Variants in RPRD2 observed in about 807,000 individuals in gnomAD.
RPRD2 encodes regulation of nuclear pre-mRNA domain containing 2.
Under a neutral mutation model 104.4 loss-of-function variants are expected in RPRD2, and 12 were observed. That is an observed-to-expected ratio of 0.11 (90% confidence interval 0.07 to 0.19). The LOEUF (loss-of-function observed/expected upper bound fraction) is 0.19. RPRD2 is among the 10% of genes least tolerant of loss of function. RPRD2 has a pLI of 1.00. For synonymous variants in RPRD2, 714 were observed against 684.9 expected, an observed-to-expected ratio of 1.04 and a Z score of -0.66; for missense variants, 1,543 against 1,790.1, an observed-to-expected ratio of 0.86 and a Z score of 2.49.
chr1:150,410,914 G>C (rs1333359111), intron 1 of RPRD2, among the ~76,000 whole-genome samples: 5 of 152,214 alleles, frequency 3.3e-5, no homozygotes, highest in African/African-American at 1.2e-4. Context: ...ACAGACTAGA[G>C]TACAGTGGGG....
At position 150,468,123 on chromosome 1, in the gene RPRD2, G is replaced by A. The variant is rs1013015767; in HGVS notation, c.1613-2438G>A. On this transcript the variant is annotated intron_variant, in intron 10 of 10. Transcript: ENST00000369068. ...GTTGCAGTGAGCCAGCCTGGGCGAC[G>A]AGCAAAACTCTGTCTCAAAAAAAGA... Among the ~76,000 whole-genome samples, 5 of 152,018 alleles carry A rather than the reference G, an allele frequency of 3.3e-5. No homozygotes were observed. The South Asian group carries it at 8.3e-4, about 25-fold the overall frequency.
chr1:150,389,251 T>C (rs1240373469), intron 1 of RPRD2, among the ~76,000 whole-genome samples: 9 of 152,078 alleles, frequency 5.9e-5, no homozygotes, highest in African/African-American at 2.2e-4. Flanking sequence ...GGTTTCACCA[T>C]GTTGCCCAGG....
chr1:150,454,130 C>T (rs903163428), intron 7 of RPRD2, among the ~76,000 whole-genome samples: 18 of 152,162 alleles, frequency 1.2e-4, no homozygotes, highest in Admixed American at 1.2e-3. Flanking sequence ...CAGAATTCAG[C>T]AAATATCTTG....
intron 1 of RPRD2, among the ~76,000 whole-genome samples, chr1:150,379,049 C>G (rs1160371168): frequency 6.7e-6 from 1 of 148,690 alleles, no homozygotes; most frequent in Non-Finnish European, 1.5e-5. Context: ...TTGGGAGGCC[C>G]GAGCAGACAG....
Position 150,371,500 on chromosome 1 carries a change from A to AGCT in RPRD2, c.205+6583_205+6585dup, listed in dbSNP as rs1660295858. 5.3e-5 allele frequency among the ~76,000 whole-genome samples: 8 copies of AGCT among 152,258 alleles called. No individual in the cohort carries two copies. In the South Asian group the frequency reaches 1.7e-3, roughly 32 times the overall value. ...TGCCTCAGCCTCCTGAGTAGCTGGT[A>AGCT]GCTGGGACTACAGGCACCCACCACC... On this transcript the variant is annotated intron_variant, in intron 1 of 10. Coordinates refer to ENST00000369068, the MANE Select transcript of RPRD2 (RefSeq NM_015203.5).
chr1:150,368,133 CCTT>C (rs1205285221), intron 1 of RPRD2, among the ~76,000 whole-genome samples: 2 of 151,348 alleles, frequency 1.3e-5, no homozygotes, highest in Non-Finnish European at 2.9e-5. Context: ...CATCCTGCCT[CCTT>C]CTCATTGTTT....
At chr1:150,371,456 C>G (rs370999145) in intron 1 of RPRD2, among the ~76,000 whole-genome samples, 1 of 152,170 alleles carries the variant, frequency 6.6e-6, no homozygotes, top group Non-Finnish European at 1.5e-5. Flanking sequence ...CTCCGCCTCC[C>G]GTGTTCACTC....
chr1:150,400,127 T>A (rs1553885034), intron 1 of RPRD2, among the ~76,000 whole-genome samples: 4 of 152,228 alleles, frequency 2.6e-5, no homozygotes, highest in African/African-American at 9.6e-5. Context: ...AATCTAAGTC[T>A]TTCATGCTCT....
chr1:150,391,287 A>C (rs1438200904), intron 1 of RPRD2, among the ~76,000 whole-genome samples: 1 of 152,128 alleles, frequency 6.6e-6, no homozygotes, highest in Non-Finnish European at 1.5e-5. Flanking sequence ...AAACCAACAG[A>C]TCTTCACCTA....
intron 1 of RPRD2, among the ~76,000 whole-genome samples, chr1:150,366,020 T>A (rs1659820678): frequency 6.6e-6 from 1 of 152,226 alleles, no homozygotes; most frequent in Non-Finnish European, 1.5e-5. Context: ...TTTGTCTTTA[T>A]CCTGGAGATT....
intron 1 of RPRD2, among the ~76,000 whole-genome samples, chr1:150,416,112 C>T (rs116269052): frequency 2.0e-4 from 30 of 152,196 alleles, no homozygotes; most frequent in African/African-American, 7.2e-4. Flanking sequence ...TAGAACCCAG[C>T]AGCAGAAATA....
intron 7 of RPRD2, among the ~76,000 whole-genome samples, chr1:150,449,180 G>T (rs1377628405): frequency 6.6e-6 from 1 of 152,140 alleles, no homozygotes; most frequent in African/African-American, 2.4e-5. Flanking sequence ...ACCCCGAATT[G>T]GCTAATGGAT....
At chr1:150,399,396 A>T (rs185047339) in intron 1 of RPRD2, among the ~76,000 whole-genome samples, 3 of 152,310 alleles carry the variant, frequency 2.0e-5, no homozygotes, top group African/African-American at 7.2e-5. Context: ...CAATTGTTCG[A>T]GCACCATTTA....
chr1:150,452,156 AAAAG>A (rs782312077), intron 7 of RPRD2, among the ~76,000 whole-genome samples: 19 of 148,206 alleles, frequency 1.3e-4, no homozygotes, highest in Non-Finnish European at 1.8e-4. Context: ...AAAAAAAAAA[AAAAG>A]AGAGAGAGAG....
intron 10 of RPRD2, among the ~76,000 whole-genome samples, chr1:150,469,346 G>T (rs1163715010): frequency 5.9e-5 from 9 of 151,840 alleles, no homozygotes; most frequent in Non-Finnish European, 2.9e-5. Context: ...CAGAGTCATA[G>T]TTAGTTTACT....
At position 150,378,080 on chromosome 1, in the gene RPRD2, T is replaced by A. The variant is rs1212324843; in HGVS notation, c.205+13161T>A. Among the ~76,000 whole-genome samples, 6 of 152,140 alleles carry A rather than the reference T, an allele frequency of 3.9e-5. 1 individual carries two copies. The highest frequency in any genetic ancestry group is 1.2e-4 in the African/African-American group (5 of 41,438). On this transcript the variant is annotated intron_variant, in intron 1 of 10. Transcript: ENST00000369068. ...AATACGGTGGATTCAAAGCCCAAGT[T>A]GCTTACAAGTATGTTGTTATTACTT...
intron 1 of RPRD2, among the ~76,000 whole-genome samples, chr1:150,411,932 C>T (rs1250863693): frequency 5.9e-5 from 9 of 151,658 alleles, no homozygotes; most frequent in African/African-American, 1.5e-4. Flanking sequence ...TCGAGACCAG[C>T]GTGGCCAACG....
chr1:150,454,022 G>A (rs1667362750), intron 7 of RPRD2, among the ~76,000 whole-genome samples: 1 of 152,044 alleles, frequency 6.6e-6, no homozygotes, highest in Non-Finnish European at 1.5e-5. Flanking sequence ...CCTTCTCCAT[G>A]GCATGATTTG....
At chr1:150,405,937 C>T (rs192357119) in intron 1 of RPRD2, among the ~76,000 whole-genome samples, 4 of 152,140 alleles carry the variant, frequency 2.6e-5, no homozygotes, top group East Asian at 1.9e-4. Context: ...GGTCCCAAAG[C>T]GCAAGAATAG....
Sources: allele counts gnomAD v4.1 joint callset (sites outside exome capture counted in the v4.1 genomes callset), GRCh38; gene constraint gnomAD v4.1.1; transcripts MANE v1.5; gene names NCBI Gene and HGNC (gene_info 2026-07-23, HGNC 2026-07-21).